Variants in PHTF2 observed in about 807,000 individuals in gnomAD.
PHTF2 encodes protein PHTF2.
Under a neutral mutation model 101.2 loss-of-function variants are expected in PHTF2, and 60 were observed. That is an observed-to-expected ratio of 0.59 (90% CI 0.48 to 0.73). The LOEUF (loss-of-function observed/expected upper bound fraction) is 0.73, where lower values mean the gene tolerates loss of function less well. Ranked by LOEUF, PHTF2 falls within the 30% of genes least tolerant of loss-of-function variation. The pLI is 0.00. For missense variants in PHTF2, 747 were observed against 908.7 expected (o/e 0.82, Z 2.29); for synonymous variants, 311 against 307.3 (o/e 1.01, Z -0.13).
intron 3 of PHTF2, among the ~76,000 whole-genome samples, chr7:77,860,795 T>G (rs1797576829): frequency 6.6e-6 from 1 of 152,144 alleles, no homozygotes; most frequent in Admixed American, 6.6e-5. Context: ...CACTGCAGCC[T>G]TGACCTCCTC....
chr7:77,916,709 A>T (rs1802960908), intron 9 of PHTF2, among the ~76,000 whole-genome samples: 1 of 152,092 alleles, frequency 6.6e-6, no homozygotes, highest in South Asian at 2.1e-4. Context: ...ATGGTATAAT[A>T]TTTGCATATA....
chr7:77,829,566 T>A (rs1794930432), intron 1 of PHTF2, among the ~76,000 whole-genome samples: 1 of 152,238 alleles, frequency 6.6e-6, no homozygotes, highest in Non-Finnish European at 1.5e-5. Context: ...GATCACATGA[T>A]TACAAAGTAG....
At chr7:77,941,297 A>G (rs1425338652) in intron 15 of PHTF2, among the ~76,000 whole-genome samples, 1 of 152,140 alleles carries the variant, frequency 6.6e-6, no homozygotes, top group African/African-American at 2.4e-5. Flanking sequence ...TAAAAAATTC[A>G]TTGTTCTGTT....
chr7:77,805,161 G>C (rs1234348895), intron 1 of PHTF2, among the ~76,000 whole-genome samples: 1 of 152,102 alleles, frequency 6.6e-6, no homozygotes, highest in African/African-American at 2.4e-5. Context: ...TATTTTCCTA[G>C]GAATCTGTTC....
chr7:77,925,495 GTTTTTTTTTTTTTTTT>G (rs58290945), intron 11 of PHTF2, among the ~76,000 whole-genome samples: 45 of 73,170 alleles, frequency 6.2e-4, no homozygotes, highest in African/African-American at 2.1e-3. Context: ...AGTTTTTAGG[GTTTTTTTTTTTTTTTT>G]TTTTTTTTTT....
chr7:77,922,706 T>G (rs747994137), exon 11 of PHTF2: 4 of 1,610,008 alleles, frequency 2.5e-6, no homozygotes, highest in Non-Finnish European at 3.4e-6. Context: ...TACGTCGTCA[T>G]GTGGACAGGA....
chr7:77,951,736 TATA>T, intron 18 of PHTF2, 24 bp downstream of exon 17: 1 of 963,278 alleles, frequency 1.0e-6, no homozygotes, highest in Admixed American at 2.6e-5. Context: ...TGAAAATGGT[TATA>T]ATGTCAAATA....
Position 77,939,827 on chromosome 7 carries a change from C to T in PHTF2, c.1468-203C>T, listed in dbSNP as rs146787414. 1.1e-4 allele frequency among the ~76,000 whole-genome samples: 16 copies of T among 151,782 alleles called. No individual in the cohort carries two copies. In the East Asian group the frequency reaches 2.3e-3, roughly 22 times the overall value. On this transcript the variant is annotated intron_variant, in intron 13 of 19. Transcript: ENST00000416283. Reference sequence around the variant, plus strand: ...TTTTGCCATCTACTTAGTAAATTAGCGATCTGATAATTGTTTTTAAGATCT... The same window carrying T: ...TTTTGCCATCTACTTAGTAAATTAGTGATCTGATAATTGTTTTTAAGATCT...
intron 3 of PHTF2, among the ~76,000 whole-genome samples, chr7:77,872,254 G>A (rs942178018): frequency 3.3e-5 from 5 of 152,170 alleles, no homozygotes; most frequent in Admixed American, 2.6e-4. Context: ...ACTGAGTGGT[G>A]TCATCCTCTC....
Position 77,893,835 on chromosome 7 carries a change from T to G in PHTF2, c.205-147T>G, listed in dbSNP as rs374141888. On this transcript the variant is annotated intron_variant, in intron 4 of 19. Transcript: ENST00000416283. ...CCATAGTCACGTTTACTCCTGATGT[T>G]GGTTTTTTCTTTTTATCATCTTTCT... 6.2e-5 allele frequency: 43 copies of G among 692,626 alleles called. No homozygotes were observed. The East Asian group carries it at 6.4e-4, about 10-fold the overall frequency. The allele number at this position is 692,626 out of a possible 1,614,324, so 42.9% of individuals were successfully genotyped here. A position where few individuals can be genotyped will look rare whatever the true frequency, so the allele number is the denominator to read the frequency against.
chr7:77,880,138 C>A (rs911655249), intron 3 of PHTF2, among the ~76,000 whole-genome samples: 1 of 152,106 alleles, frequency 6.6e-6, no homozygotes, highest in African/African-American at 2.4e-5. Flanking sequence ...TGTAACATAA[C>A]CAAAAGTATG....
At chr7:77,808,477 T>G (rs1421153970) in intron 1 of PHTF2, among the ~76,000 whole-genome samples, 1 of 152,222 alleles carries the variant, frequency 6.6e-6, no homozygotes, top group Non-Finnish European at 1.5e-5. Context: ...GCCTGCTAAT[T>G]TTTGTTTGAA....
exon 10 of PHTF2, chr7:77,920,412 C>A: frequency 6.2e-7 from 1 of 1,613,428 alleles, no homozygotes; most frequent in Non-Finnish European, 8.5e-7. Flanking sequence ...TGAAACTATT[C>A]GACCAGAAGA....
chr7:77,872,407 A>G (rs1161691356), intron 3 of PHTF2, among the ~76,000 whole-genome samples: 1 of 152,222 alleles, frequency 6.6e-6, no homozygotes, highest in Non-Finnish European at 1.5e-5. Flanking sequence ...CTAAGTAGGA[A>G]TGCAATAGGC....
chr7:77,882,130 CGT>C (rs1562908823), intron 3 of PHTF2, among the ~76,000 whole-genome samples: 1 of 151,998 alleles, frequency 6.6e-6, no homozygotes, highest in African/African-American at 2.4e-5. Context: ...TGCAGAGAAT[CGT>C]GTCATTTTAG....
chr7:77,910,335 C>T (rs1438723500), exon 9 of PHTF2: 2 of 1,613,782 alleles, frequency 1.2e-6, no homozygotes. Context: ...CAGTTCAGAA[C>T]CACGGTACAA....
intron 3 of PHTF2, among the ~76,000 whole-genome samples, chr7:77,875,917 A>G (rs115359362): frequency 0.02 from 2,986 of 152,300 alleles, 82 homozygotes; most frequent in African/African-American, 0.067. Flanking sequence ...AAAGTACTTT[A>G]TATACATTTC....
At chr7:77,939,991 T>C in intron 13 of PHTF2, 39 bp from the exon 13 acceptor site, 1 of 1,470,724 alleles carries the variant, frequency 6.8e-7, no homozygotes. Context: ...TGGTATAATT[T>C]TATTTTTCTT....
intron 2 of PHTF2, among the ~76,000 whole-genome samples, chr7:77,853,996 G>T (rs954757693): frequency 6.6e-6 from 1 of 152,180 alleles, no homozygotes; most frequent in Non-Finnish European, 1.5e-5. Flanking sequence ...CTTGATGTTT[G>T]TGGGTGTTCA....
Sources: gnomAD v4.1 joint callset for allele counts (sites outside exome capture counted in the v4.1 genomes callset) on GRCh38, gnomAD v4.1.1 for gene constraint, MANE v1.5 for transcripts, NCBI Gene and HGNC (gene_info 2026-07-23, HGNC 2026-07-21) for gene names.